The following BTBD9 variants were observed in gnomAD, a reference collection of about 807,000 sequenced individuals.
BTBD9 encodes BTB domain containing 9.
BTBD9 carries 49 observed loss-of-function variants against 64.3 expected under a neutral mutation model. The observed-to-expected ratio is 0.76, with a 90% confidence interval of 0.61 to 0.97. BTBD9 has a LOEUF of 0.97. Among genes scored for constraint, BTBD9 ranks in the 50% least tolerant of loss-of-function variants. The pLI, the probability that BTBD9 is intolerant of heterozygous loss-of-function variation, is 0.00. For missense variants in BTBD9, 598 were observed against 762.1 expected (o/e 0.78, Z 2.53); for synonymous variants, 260 against 274.7 (o/e 0.95, Z 0.53).
chr6:38,271,513 C>T (rs1048437132), intron 8 of BTBD9, among the ~76,000 whole-genome samples: 1 of 152,086 alleles, frequency 6.6e-6, no homozygotes, highest in Non-Finnish European at 1.5e-5. Flanking sequence ...ATGGATTAGG[C>T]ATTGGTAAGC....
chr6:38,600,117 T>A (rs1777191083), intron 1 of BTBD9, among the ~76,000 whole-genome samples: 1 of 152,220 alleles, frequency 6.6e-6, no homozygotes, highest in Non-Finnish European at 1.5e-5. Context: ...AGTCTTAATG[T>A]GTACACACAA....
chr6:38,410,143 A>G (rs1008128569), intron 6 of BTBD9, among the ~76,000 whole-genome samples: 2 of 152,216 alleles, frequency 1.3e-5, no homozygotes, highest in African/African-American at 4.8e-5. Flanking sequence ...ATAAAATCCA[A>G]AACATCTATC....
chr6:38,439,279 A>G lies in BTBD9; in HGVS notation c.1155-94186T>C, dbSNP rs1768911029. On this transcript the variant is annotated intron_variant, in intron 6 of 10. Transcript: ENST00000481247. ...GCTGGGATTACAGGCGTGTACCACC[A>G]TGCCCAGCTAATTTTTTTTTGTATT... 3.3e-5 allele frequency among the ~76,000 whole-genome samples: 5 copies of G among 151,796 alleles called. No homozygotes were observed. In the South Asian group the frequency reaches 1.0e-3, roughly 32 times the overall value.
At chr6:38,596,068 G>A in intron 2 of BTBD9, 6 of 985,046 alleles carry the variant, frequency 6.1e-6, no homozygotes, top group Non-Finnish European at 7.2e-6. Flanking sequence ...TTCCTTATCT[G>A]GGAATTGATA....
At chr6:38,593,792 T>C (rs1355103799) in intron 3 of BTBD9, among the ~76,000 whole-genome samples, 172 bp downstream of exon 3, 1 of 152,222 alleles carries the variant, frequency 6.6e-6, no homozygotes, top group Non-Finnish European at 1.5e-5. Context: ...CCCTCTCTTT[T>C]ATGATCTAGA....
intron 6 of BTBD9, among the ~76,000 whole-genome samples, chr6:38,418,311 G>A (rs549590173): frequency 6.6e-6 from 1 of 152,196 alleles, no homozygotes; most frequent in East Asian, 1.9e-4. Flanking sequence ...TGGCCTAATT[G>A]TATGTAAGGC....
intron 9 of BTBD9, among the ~76,000 whole-genome samples, chr6:38,229,844 T>C (rs1763534452): frequency 6.6e-6 from 1 of 152,236 alleles, no homozygotes; most frequent in Non-Finnish European, 1.5e-5. Context: ...TTGAATTTCA[T>C]GTCTGTCATT....
chr6:38,223,062 C>A (rs368710084), intron 9 of BTBD9, among the ~76,000 whole-genome samples: 2 of 152,222 alleles, frequency 1.3e-5, no homozygotes, highest in Non-Finnish European at 1.5e-5. Flanking sequence ...CCTGCCACCA[C>A]GCCTGGCTAA....
chr6:38,231,337 T>A (rs1440267936), intron 9 of BTBD9, among the ~76,000 whole-genome samples: 1 of 152,224 alleles, frequency 6.6e-6, no homozygotes, highest in Non-Finnish European at 1.5e-5. Flanking sequence ...CCATGCACTA[T>A]GAGAGACCTC....
At chr6:38,409,573 C>T (rs62397043) in intron 6 of BTBD9, among the ~76,000 whole-genome samples, 11,197 of 152,140 alleles carry the variant, frequency 0.074, 640 homozygotes, top group Non-Finnish European at 0.11. Context: ...GCCTGTAATT[C>T]CAGCACTTTG....
intron 7 of BTBD9, among the ~76,000 whole-genome samples, chr6:38,299,010 C>T (rs1226894483): frequency 2.0e-5 from 3 of 152,100 alleles, no homozygotes; most frequent in African/African-American, 7.2e-5. Flanking sequence ...TCTCCCCATC[C>T]CCCACCCCAC....
At chr6:38,580,509 T>C in intron 4 of BTBD9, 72 bp from the exon 5 acceptor site, 1 of 1,293,142 alleles carries the variant, frequency 7.7e-7, no homozygotes, top group South Asian at 1.3e-5. Flanking sequence ...AAAAATACAA[T>C]TCTAGCATTC....
chr6:38,542,602 T>C (rs1774332721), intron 6 of BTBD9, among the ~76,000 whole-genome samples: 2 of 152,314 alleles, frequency 1.3e-5, no homozygotes, highest in South Asian at 4.1e-4. Flanking sequence ...ATAAACTACT[T>C]ACTATAAACT....
At chr6:38,476,680 A>C (rs1770896913) in intron 6 of BTBD9, among the ~76,000 whole-genome samples, 1 of 152,258 alleles carries the variant, frequency 6.6e-6, no homozygotes, top group Non-Finnish European at 1.5e-5. Flanking sequence ...GATCTATTTT[A>C]CTGTTGTGAA....
chr6:38,235,952 A>G (rs2127520645), intron 9 of BTBD9, among the ~76,000 whole-genome samples: 1 of 152,306 alleles, frequency 6.6e-6, no homozygotes, highest in African/African-American at 2.4e-5. Context: ...TGACAATGAA[A>G]GACCCCTGGC....
intron 6 of BTBD9, among the ~76,000 whole-genome samples, chr6:38,464,946 C>G (rs1770277263): frequency 1.3e-5 from 2 of 152,198 alleles, no homozygotes; most frequent in South Asian, 2.1e-4. Flanking sequence ...AAATGTTTAG[C>G]AGAATTCATC....
chr6:38,323,977 C>G (rs939526642), intron 7 of BTBD9, among the ~76,000 whole-genome samples: 2 of 152,032 alleles, frequency 1.3e-5, no homozygotes, highest in African/African-American at 4.8e-5. Context: ...GTAGCATGTG[C>G]CTGTAGTCCC....
At chr6:38,320,545 A>G (rs1344538730) in intron 7 of BTBD9, among the ~76,000 whole-genome samples, 1 of 152,190 alleles carries the variant, frequency 6.6e-6, no homozygotes, top group Non-Finnish European at 1.5e-5. Flanking sequence ...GCAATGGACT[A>G]GAAAGCAGGC....
At chr6:38,462,274 C>G (rs1304101426) in intron 6 of BTBD9, among the ~76,000 whole-genome samples, 1 of 152,020 alleles carries the variant, frequency 6.6e-6, no homozygotes, top group Non-Finnish European at 1.5e-5. Flanking sequence ...TTTCTTTTTC[C>G]TAAAGAAAGT....
Sources: gnomAD v4.1 joint callset for allele counts (sites outside exome capture counted in the v4.1 genomes callset) on GRCh38, gnomAD v4.1.1 for gene constraint, MANE v1.5 for transcripts, NCBI Gene and HGNC (gene_info 2026-07-23, HGNC 2026-07-21) for gene names.